SFI1: variants seen among roughly 807,000 people sequenced by gnomAD.
SFI1 encodes SFI1 centrin binding protein, also known as protein SFI1 homolog.
SFI1 carries 195 observed loss-of-function variants against 207.5 expected under a neutral mutation model. The ratio of observed to expected loss-of-function variants is 0.94; its 90% CI spans 0.84 to 1.06. The LOEUF is 1.06. SFI1 is among the 50% of genes least tolerant of loss of function. The pLI, the probability that SFI1 is intolerant of heterozygous loss-of-function variation, is 0.00. For synonymous variants in SFI1, 630 were observed against 598.9 expected (o/e 1.05, Z -0.76); for missense variants, 1,634 against 1,588.0 (o/e 1.03, Z -0.49).
At chr22:31,513,323 G>T (rs1165250679) in intron 2 of SFI1, among the ~76,000 whole-genome samples, 1 of 151,564 alleles carries the variant, frequency 6.6e-6, no homozygotes, top group Non-Finnish European at 1.5e-5. Flanking sequence ...CATGTCTGGT[G>T]AATTTTTGTA....
intron 4 of SFI1, among the ~76,000 whole-genome samples, chr22:31,544,388 C>G (rs1488205217): frequency 2.0e-5 from 3 of 151,750 alleles, no homozygotes; most frequent in Non-Finnish European, 4.4e-5. Flanking sequence ...GTTTAATTTC[C>G]TATGTTTGTA....
intron 1 of SFI1, among the ~76,000 whole-genome samples, chr22:31,507,390 A>G (rs5753666): frequency 0.22 from 33,078 of 152,124 alleles, 4,605 homozygotes; most frequent in East Asian, 0.44. Flanking sequence ...AAAACCCAAA[A>G]CTATAAAAAC....
chr22:31,578,301 G>A (rs62237792), intron 10 of SFI1, 81 bp from the exon 11 acceptor site: 2 of 1,359,260 alleles, frequency 1.5e-6, no homozygotes, highest in African/African-American at 1.4e-5. Context: ...GATAGCCACG[G>A]CCCTTCAAGG....
intron 4 of SFI1, among the ~76,000 whole-genome samples, chr22:31,535,844 C>T (rs944479734): frequency 6.6e-6 from 1 of 152,146 alleles, no homozygotes; most frequent in African/African-American, 2.4e-5. Flanking sequence ...TCAATTAATC[C>T]TTCTGCCTCT....
At chr22:31,584,454 C>T (rs2064760079) in intron 13 of SFI1, among the ~76,000 whole-genome samples, 1 of 152,056 alleles carries the variant, frequency 6.6e-6, no homozygotes, top group African/African-American at 2.4e-5. Flanking sequence ...TTGCCTGGCC[C>T]CCTCCCTACA....
At chr22:31,550,525 G>A in intron 6 of SFI1, 177 bp downstream of exon 6, 1 of 563,442 alleles carries the variant, frequency 1.8e-6, no homozygotes, top group South Asian at 2.3e-5. Context: ...CTGTATGATT[G>A]ATCCCTATGG....
chr22:31,548,125 C>T (rs1445948315), intron 5 of SFI1, among the ~76,000 whole-genome samples: 2 of 151,622 alleles, frequency 1.3e-5, no homozygotes, highest in African/African-American at 4.8e-5. Flanking sequence ...GAGGCTGAGG[C>T]AGGAGAATGG....
At position 31,500,947 on chromosome 22, in the gene SFI1, C is replaced by G. The variant is rs943670788; in HGVS notation, c.-31+4310C>G. On this transcript the variant is annotated intron_variant, in intron 1 of 32. Coordinates refer to ENST00000400288, the MANE Select transcript of SFI1 (RefSeq NM_001007467.3). ...CCTGAGTAGCTGGGATTACAGGTGC[C>G]CACCACCACCACCAGCTAATTTTTG... Among the ~76,000 whole-genome samples, 3 of 151,264 alleles carry G rather than the reference C, an allele frequency of 2.0e-5. No individual in the cohort carries two copies. In the South Asian group the frequency reaches 6.2e-4, roughly 31 times the overall value.
At chr22:31,523,920 A>T (rs191554934) in intron 2 of SFI1, among the ~76,000 whole-genome samples, 3 of 152,008 alleles carry the variant, frequency 2.0e-5, no homozygotes. Context: ...CTAAGTTGCA[A>T]CAATAGCACA....
rs1408233482 is a variant in SFI1, at chr22:31,613,476, T to C, written c.2688T>C (p.Phe896=). The change falls in exon 26 of 33, where the codon TTT becomes TTC. Residue 896 remains phenylalanine, a synonymous_variant. Transcript: ENST00000400288. ...AGGGTGCCACGCGGCTCCTGCGCTT[T>C]GCAGCCAGCATGAAGGCCTCCCGGC... The part of the protein sequence containing the change: ...LQEGATRLLR[F]AASMKASRQQ... The C allele has an allele frequency of 4.4e-6, 7 of 1,600,600 alleles. No homozygotes were observed.
chr22:31,513,770 A>G (rs979289516), intron 2 of SFI1, among the ~76,000 whole-genome samples: 1 of 151,570 alleles, frequency 6.6e-6, no homozygotes, highest in African/African-American at 2.4e-5. Flanking sequence ...TAGTAGAGAC[A>G]GGGTTTCACC....
At chr22:31,499,868 G>A (rs1002890738) in intron 1 of SFI1, among the ~76,000 whole-genome samples, 1 of 151,070 alleles carries the variant, frequency 6.6e-6, no homozygotes, top group African/African-American at 2.4e-5. Context: ...TGCGCCTGTA[G>A]TCCCAGCTAC....
intron 15 of SFI1, among the ~76,000 whole-genome samples, chr22:31,596,313 G>A (rs2067106667): frequency 6.6e-6 from 1 of 152,064 alleles, no homozygotes; most frequent in Non-Finnish European, 1.5e-5. Flanking sequence ...GGCTTTGAAT[G>A]CTAGTTTGAG....
intron 7 of SFI1, 47 bp from the exon 8 acceptor site, chr22:31,561,243 A>T (rs774551933): frequency 1.9e-6 from 3 of 1,562,756 alleles, no homozygotes; most frequent in Admixed American, 3.4e-5. Flanking sequence ...CTCTTTCCTG[A>T]GTGGCTTTTT....
rs754021012 is a variant in SFI1 at position 31,589,556 on chromosome 22, C to G, written c.1523C>G (p.Ala508Gly). The change falls in exon 15 of 33, where the codon GCA (alanine) becomes GGA (glycine). Residue 508 changes from alanine to glycine, a missense_variant. By Grantham distance (60) the Ala-to-Gly change is moderately conservative. Transcript: ENST00000400288. The stretch of plus-strand genomic sequence containing the variant: ...CGCCACCAGGAAAATGTCCTCAGTG[C>G]AAGAGCAACACGTTTCCACAGGTAT... ...RWRHQENVLS[A>G]RATRFHRETL... 5 of 1,613,454 alleles carry G rather than the reference C, an allele frequency of 3.1e-6. No homozygotes were observed. The highest frequency in any genetic ancestry group is 4.2e-6 in the Non-Finnish European group (5 of 1,179,880).
chr22:31,542,101 TAAAAAA>T (rs10651316), intron 4 of SFI1, among the ~76,000 whole-genome samples: 1 of 114,440 alleles, frequency 8.7e-6, no homozygotes, highest in South Asian at 3.1e-4. Flanking sequence ...ACCCCGTCTT[TAAAAAA>T]AAAAAAAAAA....
chr22:31,580,823 G>A (rs958582327), intron 12 of SFI1, among the ~76,000 whole-genome samples: 5 of 152,154 alleles, frequency 3.3e-5, no homozygotes, highest in East Asian at 1.9e-4. Flanking sequence ...GATTACAGGC[G>A]TGAGTCACCA....
At chr22:31,614,441 G>A (rs542127338) in intron 27 of SFI1, 8 of 448,166 alleles carry the variant, frequency 1.8e-5, no homozygotes, top group Admixed American at 8.6e-5. Context: ...CCTGGGTCCC[G>A]GTCCCTGCTG....
At chr22:31,617,720 C>CAA (rs200768810) in intron 31 of SFI1, among the ~76,000 whole-genome samples, 79 of 127,428 alleles carry the variant, frequency 6.2e-4, no homozygotes, top group East Asian at 2.2e-3. Flanking sequence ...CACTCCATCT[C>CAA]AAAAAAAAAA....
Sources: gnomAD v4.1 joint callset for allele counts (sites outside exome capture counted in the v4.1 genomes callset) on GRCh38, gnomAD v4.1.1 for gene constraint, MANE v1.5 for transcripts, NCBI Gene and HGNC (gene_info 2026-07-23, HGNC 2026-07-21) for gene names.